Variants in HIVEP1 observed in about 807,000 individuals in gnomAD.
HIVEP1 encodes zinc finger protein 40.
HIVEP1 carries 36 observed loss-of-function variants against 180.0 expected under a neutral mutation model. That is an observed-to-expected ratio of 0.20 (90% CI 0.15 to 0.26). The LOEUF (loss-of-function observed/expected upper bound fraction) is 0.26. Among genes scored for constraint, HIVEP1 ranks in the 10% least tolerant of loss-of-function variants. The probability of loss-of-function intolerance (pLI) is 1.00; values close to 1 mark genes in which losing one functional copy is unlikely to be tolerated. For missense variants in HIVEP1, 3,143 were observed against 3,268.7 expected (o/e 0.96, Z 0.94); for synonymous variants, 1,239 against 1,239.0 (o/e 1.00, Z 0.00).
Position 12,122,102 on chromosome 6 carries a change from G to T in HIVEP1, c.2307G>T (p.Pro769=). The T allele has an allele frequency of 3.1e-6, 5 of 1,614,176 alleles. No homozygotes were observed. Among genetic ancestry groups the T allele is most frequent in the Non-Finnish European group, 4.2e-6 (5 of 1,180,028 alleles). ...VDDKQLDSVK[P]RRTSLSRRGS... is the part of the protein sequence containing the mutation. Reference sequence around the variant, plus strand: ...ACAAGCAACTGGATAGTGTGAAGCCGCGGAGAACCTCACTGTCAAGACGAG... The same window carrying T: ...ACAAGCAACTGGATAGTGTGAAGCCTCGGAGAACCTCACTGTCAAGACGAG... Residue 769 remains proline, a synonymous_variant, in exon 4 of 9, where the codon CCG becomes CCT. Coordinates refer to ENST00000379388, the MANE Select transcript of HIVEP1 (RefSeq NM_002114.4).
intron 7 of HIVEP1, among the ~76,000 whole-genome samples, chr6:12,158,582 G>A (rs1017746227): frequency 3.3e-5 from 5 of 152,232 alleles, no homozygotes; most frequent in Admixed American, 3.3e-4. Context: ...TCTCTGTTCC[G>A]ATTGAGTTAC....
intron 2 of HIVEP1, among the ~76,000 whole-genome samples, chr6:12,061,560 A>T (rs1368950199): frequency 6.6e-6 from 1 of 152,194 alleles, no homozygotes; most frequent in Non-Finnish European, 1.5e-5. Flanking sequence ...AATCACTTGC[A>T]TGTTTTGTAG....
rs1561902929 is a variant in HIVEP1 at position 12,063,501 on chromosome 6, T to G, written c.41-25683T>G. On this transcript the variant is annotated intron_variant, in intron 2 of 8. Coordinates refer to ENST00000379388, the MANE Select transcript of HIVEP1 (RefSeq NM_002114.4). The surrounding 1 kb of genome is among the most constrained non-coding windows in gnomAD (Gnocchi z 4.2). Reference sequence around the variant, plus strand: ...GTGGGGAGGGAGGAGCTGGCTCATGTTGGCAGGTGTGGCTGCACGTGGAAG... The same window carrying G: ...GTGGGGAGGGAGGAGCTGGCTCATGGTGGCAGGTGTGGCTGCACGTGGAAG... 6.6e-6 allele frequency among the ~76,000 whole-genome samples: 1 copy of G among 152,092 alleles called. No individual in the cohort carries two copies. Among genetic ancestry groups the G allele is most frequent in the Non-Finnish European group, 1.5e-5 (1 of 68,014 alleles).
In HIVEP1 at chr6:12,114,093, CCT is replaced by C. The variant is rs530935161; in HGVS notation, c.95-5796_95-5795del. 2.6e-5 allele frequency among the ~76,000 whole-genome samples: 4 copies of C among 152,292 alleles called. No individual in the cohort carries two copies. In the South Asian group the frequency reaches 6.2e-4, roughly 24 times the overall value. ...GAAGACTTCCCTTGCCCTCCTTTCC[CCT>C]GACTCTGACGTCTTGTCTTTCTCTT... On this transcript the variant is annotated intron_variant, in intron 3 of 8. Coordinates refer to ENST00000379388, the MANE Select transcript of HIVEP1 (RefSeq NM_002114.4).
intron 6 of HIVEP1, among the ~76,000 whole-genome samples, chr6:12,132,936 A>G (rs1477768328): frequency 6.6e-6 from 1 of 152,152 alleles, no homozygotes; most frequent in African/African-American, 2.4e-5. Context: ...AGGTAGTTAA[A>G]TAATAGTAGA....
At chr6:12,167,979 GTACATGTATATATGTA>G (rs780095715), downstream of HIVEP1, among the ~76,000 whole-genome samples, 4,816 of 113,710 alleles carry the variant, frequency 0.042, 577 homozygotes, top group East Asian at 0.07. Context: ...ATATATACAT[GTACATGTATATATGTA>G]TATATTATAT....
intron 7 of HIVEP1, among the ~76,000 whole-genome samples, chr6:12,156,993 G>A (rs190007856): frequency 2.4e-4 from 36 of 151,824 alleles, no homozygotes; most frequent in African/African-American, 7.7e-4. Context: ...CCTTTATTTC[G>A]AAGCTCTATT....
At chr6:12,068,978 ATAT>A (rs1771786712) in intron 2 of HIVEP1, among the ~76,000 whole-genome samples, 1 of 152,316 alleles carries the variant, frequency 6.6e-6, no homozygotes, top group South Asian at 2.1e-4. Flanking sequence ...AGCTATGATA[ATAT>A]TATTCTTTAA....
chr6:12,180,796 G>A, the HIVEP1 span, among the ~76,000 whole-genome samples: 785 of 152,230 alleles, frequency 5.2e-3, 6 homozygotes, highest in African/African-American at 0.016. Flanking sequence ...ATTCAAATCC[G>A]TGAACATATC....
In HIVEP1 at chr6:12,164,411, A is replaced by G. The variant is rs1162154178; in HGVS notation, c.8107A>G (p.Ser2703Gly). Residue 2703 changes from serine to glycine, a missense_variant, in exon 9 of 9, where the codon AGC becomes GGC. This residue lies in a region of HIVEP1 where 595 missense variants were observed against 602.2 expected (regional missense o/e 0.99). Coordinates refer to ENST00000379388, the MANE Select transcript of HIVEP1 (RefSeq NM_002114.4). Reference sequence around the variant, plus strand: ...GCGGAGGCAGCCCACTGTGCACTTCAGCGACGTGAGCAGCGATGATGACGA... The same window carrying G: ...GCGGAGGCAGCCCACTGTGCACTTCGGCGACGTGAGCAGCGATGATGACGA... ...LPRRQPTVHFSDVSSDDDEDR... is the reference protein window; with the variant it reads ...LPRRQPTVHFGDVSSDDDEDR... The G allele has an allele frequency of 1.2e-6, 2 of 1,613,800 alleles. No individual in the cohort carries two copies. The highest frequency in any genetic ancestry group is 1.1e-5 in the South Asian group (1 of 91,048).
chr6:12,115,915 G>A (rs893370417), intron 3 of HIVEP1, among the ~76,000 whole-genome samples: 2 of 151,330 alleles, frequency 1.3e-5, no homozygotes, highest in Non-Finnish European at 2.9e-5. Context: ...GTGAATCCTT[G>A]GGCTGCCTTC....
At chr6:12,156,499 C>A (rs1004703634) in intron 7 of HIVEP1, among the ~76,000 whole-genome samples, 3 of 152,108 alleles carry the variant, frequency 2.0e-5, no homozygotes, top group Admixed American at 6.5e-5. Context: ...GACTCTTTCC[C>A]CCCATCACTT....
At chr6:12,075,654 T>G (rs1772303543) in intron 2 of HIVEP1, among the ~76,000 whole-genome samples, 1 of 151,822 alleles carries the variant, frequency 6.6e-6, no homozygotes, top group Admixed American at 6.6e-5. Context: ...AATAGTGTAA[T>G]AAGCCTCCAT....
intron 2 of HIVEP1, among the ~76,000 whole-genome samples, chr6:12,016,972 T>G (rs575791573): frequency 2.8e-4 from 42 of 152,292 alleles, no homozygotes; most frequent in African/African-American, 9.1e-4. Flanking sequence ...AGCATACAGA[T>G]GAGCAGCAGC....
the HIVEP1 span, among the ~76,000 whole-genome samples, chr6:12,192,061 T>G: frequency 2.0e-5 from 3 of 152,222 alleles, no homozygotes; most frequent in East Asian, 5.8e-4. Flanking sequence ...CACCTTCATA[T>G]CATATGACTG....
At chr6:12,111,322 A>G (rs189033621) in intron 3 of HIVEP1, among the ~76,000 whole-genome samples, 6 of 152,372 alleles carry the variant, frequency 3.9e-5, no homozygotes, top group East Asian at 3.9e-4. Context: ...GCGAAGCTCA[A>G]CAAAGCAAGG....
chr6:12,019,622 T>C (rs1768056151), intron 2 of HIVEP1, among the ~76,000 whole-genome samples: 1 of 152,164 alleles, frequency 6.6e-6, no homozygotes, highest in Admixed American at 6.5e-5. Context: ...TTAGGCTTCC[T>C]GGGGGAAATA....
At position 12,164,070 on chromosome 6, in the gene HIVEP1, C is replaced by T; in HGVS notation, c.7766C>T (p.Ala2589Val). 2 of 1,614,146 alleles carry T rather than the reference C, an allele frequency of 1.2e-6. No individual in the cohort carries two copies. The highest frequency in any genetic ancestry group is 1.7e-6 in the Non-Finnish European group (2 of 1,180,038). ...CETQPKQTSV[A>V]SANQVSRTES... ...ACACAACCCAAGCAGACTTCTGTAG[C>T]CAGCGCAAACCAGGTCAGCAGGACC... Residue 2589 changes from alanine to valine, a missense_variant, in exon 9 of 9, where the codon GCC becomes GTC. Ala to Val is a moderately conservative substitution (Grantham distance 64, BLOSUM62 0). Around this residue, in one of 12 missense-constraint regions of HIVEP1, gnomAD observed 595 missense variants for 602.2 expected, o/e 0.99. Coordinates refer to ENST00000379388, the MANE Select transcript of HIVEP1 (RefSeq NM_002114.4).
the HIVEP1 span, among the ~76,000 whole-genome samples, chr6:12,206,435 A>T: frequency 6.6e-6 from 1 of 152,042 alleles, no homozygotes; most frequent in East Asian, 1.9e-4. Flanking sequence ...ACACCCATCC[A>T]AAAGGGGAAA....
Sources: allele counts gnomAD v4.1 joint callset (sites outside exome capture counted in the v4.1 genomes callset), GRCh38; gene constraint gnomAD v4.1.1; regional missense constraint gnomAD v4.1.1; non-coding constraint Gnocchi (gnomAD v3.1); transcripts MANE v1.5; gene names NCBI Gene and HGNC (gene_info 2026-07-23, HGNC 2026-07-21).